Variants in CD80 observed in about 807,000 individuals in gnomAD.
The protein encoded by CD80 is T-lymphocyte activation antigen CD80.
Under a neutral mutation model 27.1 loss-of-function variants are expected in CD80, and 13 were observed. That is an observed-to-expected ratio of 0.48 (90% confidence interval 0.31 to 0.76). The LOEUF is 0.76. Ranked by LOEUF, CD80 falls within the 30% of genes least tolerant of loss-of-function variation. The pLI, the probability that CD80 is intolerant of heterozygous loss-of-function variation, is 0.04. For synonymous variants in CD80, 125 were observed against 125.5 expected (o/e 1.00, Z 0.03); for missense variants, 277 against 347.9 (o/e 0.80, Z 1.62).
Position 119,529,472 on chromosome 3 carries a change from TA to T in CD80, c.796+369del, listed in dbSNP as rs376625609. On this transcript the variant is annotated intron_variant, in intron 5 of 6. Coordinates refer to ENST00000264246, the MANE Select transcript of CD80 (RefSeq NM_005191.4). ...CTCACCTGCCAAATCGACTAGCCCTTAAAAAAAAATTAGAATATCATTTAGC... is the reference window on the plus strand; with the variant it reads ...CTCACCTGCCAAATCGACTAGCCCTTAAAAAAAATTAGAATATCATTTAGC... Among the ~76,000 whole-genome samples the T allele has an allele frequency of 1.5e-3, 225 of 151,890 alleles. 2 individuals carry two copies. Among genetic ancestry groups the T allele is most frequent in the African/African-American group, 5.0e-3 (206 of 41,414 alleles).
At chr3:119,532,826 G>A (rs75873565) in intron 4 of CD80, among the ~76,000 whole-genome samples, 2,007 of 152,180 alleles carry the variant, frequency 0.013, 35 homozygotes, top group African/African-American at 0.039. Flanking sequence ...CCTGCAAACC[G>A]GTCTCTTTGC....
intron 3 of CD80, among the ~76,000 whole-genome samples, chr3:119,543,046 A>T (rs1214548019): frequency 3.3e-5 from 5 of 152,098 alleles, no homozygotes. Flanking sequence ...ATCATCCCTG[A>T]CCAATCAGCA....
chr3:119,540,647 C>T (rs2082162829), intron 3 of CD80, among the ~76,000 whole-genome samples: 1 of 152,064 alleles, frequency 6.6e-6, no homozygotes, highest in Non-Finnish European at 1.5e-5. Context: ...AATAATAAAT[C>T]CAAAAACTCA....
intron 2 of CD80, among the ~76,000 whole-genome samples, chr3:119,555,804 G>C (rs1429639666): frequency 6.6e-6 from 1 of 152,192 alleles, no homozygotes; most frequent in Non-Finnish European, 1.5e-5. Flanking sequence ...AAGTCTCTTG[G>C]TTTTAGGAGA....
intron 4 of CD80, among the ~76,000 whole-genome samples, chr3:119,532,897 C>T (rs2082117432): frequency 6.6e-6 from 1 of 152,182 alleles, no homozygotes; most frequent in African/African-American, 2.4e-5. Flanking sequence ...CATTCTGAAA[C>T]ACCTATTTAA....
In CD80 at chr3:119,525,759, C is replaced by G. The variant is rs2082061527; in HGVS notation, c.*39-10G>C. 1 of 151,652 alleles carries G rather than the reference C, an allele frequency of 6.6e-6. No homozygotes were observed. The highest frequency in any genetic ancestry group is 2.4e-5 in the African/African-American group (1 of 41,176). The allele number at this position is 151,652 out of a possible 1,614,324, so 9.4% of individuals were successfully genotyped here. A position where few individuals can be genotyped will look rare whatever the true frequency, so the allele number is the denominator to read the frequency against. On this transcript the variant is annotated splice_polypyrimidine_tract_variant and intron_variant, in intron 6 of 6. Transcript: ENST00000264246. ...CAAATGGAGGTGGGACCTGAGAAAA[C>G]AAAGAAATGATTACATCAAACCCTA...
chr3:119,537,590 T>C (rs1158608352), intron 3 of CD80, among the ~76,000 whole-genome samples, 172 bp from the exon 4 acceptor site: 4 of 152,192 alleles, frequency 2.6e-5, no homozygotes, highest in Non-Finnish European at 2.9e-5. Context: ...ACACCTGAGG[T>C]CAGGAGTTTG....
chr3:119,538,904 T>A (rs2082153006), intron 3 of CD80, among the ~76,000 whole-genome samples: 1 of 152,160 alleles, frequency 6.6e-6, no homozygotes, highest in Admixed American at 6.5e-5. Flanking sequence ...GGCATTGAAC[T>A]ATAGTCATGA....
intron 2 of CD80, among the ~76,000 whole-genome samples, chr3:119,551,063 T>C (rs2082228561): frequency 6.6e-6 from 1 of 152,242 alleles, no homozygotes; most frequent in African/African-American, 2.4e-5. Flanking sequence ...TAATTACGTA[T>C]GGAGCTATGG....
At chr3:119,545,130 G>T (rs1272008322) in intron 2 of CD80, among the ~76,000 whole-genome samples, 1 of 152,128 alleles carries the variant, frequency 6.6e-6, no homozygotes, top group Non-Finnish European at 1.5e-5. Context: ...GATCACTTGA[G>T]GTCAGGAGTT....
chr3:119,551,646 A>G (rs768386711), intron 2 of CD80, among the ~76,000 whole-genome samples: 7 of 152,160 alleles, frequency 4.6e-5, no homozygotes, highest in Admixed American at 3.3e-4. Context: ...AAATTACCCA[A>G]TGTCAGGTAT....
At chr3:119,555,564 G>A (rs2082260015) in intron 2 of CD80, among the ~76,000 whole-genome samples, 1 of 152,188 alleles carries the variant, frequency 6.6e-6, no homozygotes, top group African/African-American at 2.4e-5. Context: ...TCCGGTTCTT[G>A]CTCACTGGGC....
intron 3 of CD80, among the ~76,000 whole-genome samples, chr3:119,540,365 G>A (rs2082160790): frequency 6.6e-6 from 1 of 152,192 alleles, no homozygotes; most frequent in South Asian, 2.1e-4. Flanking sequence ...CTACAATAAT[G>A]AGGATAAAGG....
chr3:119,556,361 C>G (rs1156390658), intron 2 of CD80, among the ~76,000 whole-genome samples: 7 of 151,198 alleles, frequency 4.6e-5, no homozygotes. Context: ...TGTCTCTCCC[C>G]CTCCCTGCCC....
At chr3:119,552,945 A>C (rs2082242286) in intron 2 of CD80, among the ~76,000 whole-genome samples, 2 of 152,018 alleles carry the variant, frequency 1.3e-5, no homozygotes, top group Non-Finnish European at 2.9e-5. Context: ...GGTTACGAGG[A>C]GATGGGGTAC....
intron 2 of CD80, among the ~76,000 whole-genome samples, chr3:119,549,182 T>C (rs1430232829): frequency 6.6e-6 from 1 of 152,106 alleles, no homozygotes; most frequent in East Asian, 1.9e-4. Flanking sequence ...ATGGATCCTA[T>C]ATCCTGCCTT....
At chr3:119,555,075 C>T (rs973941205) in intron 2 of CD80, among the ~76,000 whole-genome samples, 3 of 152,194 alleles carry the variant, frequency 2.0e-5, no homozygotes, top group Non-Finnish European at 4.4e-5. Context: ...ATCCCAGACC[C>T]ACCTAAGCAG....
intron 2 of CD80, among the ~76,000 whole-genome samples, chr3:119,551,671 A>G (rs2082233000): frequency 1.3e-5 from 2 of 152,212 alleles, no homozygotes; most frequent in South Asian, 4.1e-4. Flanking sequence ...TTATAGCAGC[A>G]CAAACCAGAC....
chr3:119,537,395 ATATAC>A lies in CD80; in HGVS notation c.437_441del (p.Ser146IlefsTer2). On this transcript the variant is annotated frameshift_variant, in exon 4 of 7. Transcript: ENST00000264246. LOFTEE classifies it high-confidence loss of function. ...TTAGAAGTTGGAATTTCAAAGTCAG[ATATAC>A]TAGGTGTAGGGAAGTCAGCTAAAGA... 6.2e-7 allele frequency: 1 copy of A among 1,609,672 alleles called. No individual in the cohort carries two copies. Among genetic ancestry groups the A allele is most frequent in the Non-Finnish European group, 8.5e-7 (1 of 1,175,980 alleles).
Sources: gnomAD v4.1 joint callset for allele counts (sites outside exome capture counted in the v4.1 genomes callset) on GRCh38, gnomAD v4.1.1 for gene constraint, MANE v1.5 for transcripts, NCBI Gene and HGNC (gene_info 2026-07-23, HGNC 2026-07-21) for gene names.